The following MID1 variants were observed in gnomAD, a reference collection of about 807,000 sequenced individuals.
MID1 encodes midline 1, also known as E3 ubiquitin-protein ligase Midline-1.
In MID1, 7 loss-of-function variants were observed where a neutral mutation model predicts 40.4. That is an observed-to-expected ratio of 0.17 (90% CI 0.10 to 0.33). The LOEUF (loss-of-function observed/expected upper bound fraction) is 0.33, where lower values mean the gene tolerates loss of function less well. Ranked by LOEUF, MID1 falls within the 10% of genes least tolerant of loss-of-function variation. The pLI, the probability that MID1 is intolerant of heterozygous loss-of-function variation, is 1.00. For missense variants in MID1, 367 were observed against 558.5 expected, an observed-to-expected ratio of 0.66 and a Z score of 3.46; for synonymous variants, 229 against 221.2, an observed-to-expected ratio of 1.04 and a Z score of -0.31.
chrX:10,514,763 T>C (rs143012701), intron 3 of MID1, among the ~76,000 whole-genome samples: 185 of 112,043 alleles, frequency 1.7e-3, no homozygotes, highest in African/African-American at 5.7e-3. Flanking sequence ...ACCATTATTA[T>C]AGTGGCTCGT....
intron 1 of MID1, among the ~76,000 whole-genome samples, chrX:10,676,199 C>T (rs1245961621): frequency 8.9e-6 from 1 of 112,525 alleles, no homozygotes; most frequent in African/African-American, 3.2e-5. Context: ...ATCCGAGTAT[C>T]TGATAGATAA....
intron 1 of MID1, among the ~76,000 whole-genome samples, chrX:10,590,126 A>G (rs1285034309): frequency 9.0e-6 from 1 of 111,061 alleles, no homozygotes; most frequent in African/African-American, 3.3e-5. Flanking sequence ...ATGTCTTTCT[A>G]TAATCTATAG....
intron 1 of MID1, among the ~76,000 whole-genome samples, chrX:10,597,137 T>C (rs1270031817): frequency 9.0e-6 from 1 of 111,403 alleles, no homozygotes; most frequent in East Asian, 2.8e-4. Context: ...ATAATGTATA[T>C]TGGTGAATAT....
chrX:10,804,299 C>A (rs1051163600), intron 1 of MID1, among the ~76,000 whole-genome samples: 1 of 112,164 alleles, frequency 8.9e-6, no homozygotes, highest in East Asian at 2.8e-4. Context: ...TGCTTTATCT[C>A]TTCAGATTGT....
intron 1 of MID1, among the ~76,000 whole-genome samples, chrX:10,772,361 G>A (rs781397039): frequency 4.5e-5 from 5 of 110,378 alleles, no homozygotes; most frequent in Non-Finnish European, 9.4e-5. Context: ...GCTAAGCTAT[G>A]AGGATCAAAA....
At chrX:10,470,103 A>G (rs767157755) in intron 6 of MID1, among the ~76,000 whole-genome samples, 1 of 112,605 alleles carries the variant, frequency 8.9e-6, no homozygotes, top group African/African-American at 3.2e-5. Flanking sequence ...GGTTAAACAA[A>G]TAATACTTTC....
At chrX:10,621,906 C>CT (rs764627298), upstream of MID1, among the ~76,000 whole-genome samples, 1 of 103,992 alleles carries the variant, frequency 9.6e-6, no homozygotes, top group African/African-American at 3.5e-5. Context: ...GTCCTGTGCA[C>CT]TGTAAGATGT....
chrX:10,771,133 T>C (rs1394006337), intron 1 of MID1, among the ~76,000 whole-genome samples: 2 of 110,076 alleles, frequency 1.8e-5, no homozygotes, highest in Admixed American at 9.7e-5. Flanking sequence ...ATTCTTTTTA[T>C]ACTTGAAAGC....
At chrX:10,695,686 G>A (rs113385002) in intron 1 of MID1, among the ~76,000 whole-genome samples, 64 of 111,787 alleles carry the variant, frequency 5.7e-4, no homozygotes, top group African/African-American at 1.7e-3. Context: ...TAGTCTCAGC[G>A]GACTGATTTT....
At chrX:10,793,779 G>A (rs931304361) in intron 1 of MID1, among the ~76,000 whole-genome samples, 34 of 112,010 alleles carry the variant, frequency 3.0e-4, no homozygotes, top group African/African-American at 1.0e-3. Flanking sequence ...CCTCTGCCTG[G>A]CATGCCCTTC....
At chrX:10,589,882 C>T (rs1304920254) in intron 1 of MID1, 1 of 109,673 alleles carries the variant, frequency 9.1e-6, no homozygotes, top group African/African-American at 3.3e-5. Flanking sequence ...GACAAAACTC[C>T]TCAGACACCG....
chrX:10,741,464 CTT>C (rs35271950), intron 1 of MID1, among the ~76,000 whole-genome samples: 10 of 100,224 alleles, frequency 1.0e-4, no homozygotes, highest in African/African-American at 2.2e-4. Context: ...TCATTCCCCT[CTT>C]TTTTTTTTTT....
intron 1 of MID1, among the ~76,000 whole-genome samples, chrX:10,576,137 ATT>A (rs200712689): frequency 9.3e-6 from 1 of 107,248 alleles, no homozygotes; most frequent in African/African-American, 3.6e-5. Flanking sequence ...TATTATTATT[ATT>A]TTTTTACCTC....
chrX:10,570,453 A>T lies in MID1; in HGVS notation c.-56-2850T>A, dbSNP rs897967578. 8.9e-5 allele frequency among the ~76,000 whole-genome samples: 10 copies of T among 112,271 alleles called. No individual in the cohort carries two copies. In the Admixed American group the frequency reaches 9.5e-4, roughly 11 times the overall value. ...CTGTCCCCACTGTCCTCAACACTAG[A>T]ATATAAGCTCTGTGAAAGCAGAGAT... On this transcript the variant is annotated intron_variant, in intron 1 of 9. Transcript: ENST00000317552.
chrX:10,523,137 C>T lies in MID1; in HGVS notation c.711G>A (p.Leu237=), dbSNP rs1459159175. The T allele has an allele frequency of 8.3e-7, 1 of 1,202,887 alleles. No homozygotes were observed. The highest frequency in any genetic ancestry group is 1.1e-6 in the Non-Finnish European group (1 of 891,427). ...GGATGAGTTTAGCCAAAAGGGTCTC[C>T]AGTTCTGTGTTCCTCTTAATAAGGT... ...LTNLIKRNTE[L]ETLLAKLIQT... is the part of the protein sequence containing the mutation. Residue 237 remains leucine, a synonymous_variant, in exon 3 of 10, where the codon CTG becomes CTA. Transcript: ENST00000317552.
chrX:10,673,512 T>C (rs1232731589), intron 1 of MID1, among the ~76,000 whole-genome samples: 1 of 111,983 alleles, frequency 8.9e-6, no homozygotes, highest in Non-Finnish European at 1.9e-5. Flanking sequence ...TCAAAAGCCA[T>C]TTTTACACGT....
intron 3 of MID1, among the ~76,000 whole-genome samples, chrX:10,509,514 T>C (rs1219726446): frequency 1.8e-5 from 2 of 111,531 alleles, no homozygotes; most frequent in Non-Finnish European, 3.8e-5. Context: ...GATCGATCTC[T>C]ATTCAGGGCT....
intron 1 of MID1, among the ~76,000 whole-genome samples, chrX:10,728,869 G>C (rs762105760): frequency 2.7e-5 from 3 of 112,017 alleles, no homozygotes; most frequent in Non-Finnish European, 5.6e-5. Flanking sequence ...CGAGTATAAA[G>C]TAGGAAGCCC....
intron 8 of MID1, 121 bp downstream of exon 8, chrX:10,459,525 A>T: frequency 1.3e-6 from 1 of 781,851 alleles, no homozygotes; most frequent in Non-Finnish European, 1.9e-6. Context: ...CTGGCTTTTT[A>T]CTTGTTTTGG....
Sources: allele counts gnomAD v4.1 joint callset (sites outside exome capture counted in the v4.1 genomes callset), GRCh38; gene constraint gnomAD v4.1.1; transcripts MANE v1.5; gene names NCBI Gene and HGNC (gene_info 2026-07-23, HGNC 2026-07-21).